PDE1C: variants seen among roughly 807,000 people sequenced by gnomAD.
The protein encoded by PDE1C is dual specificity calcium/calmodulin-dependent 3',5'-cyclic nucleotide phosphodiesterase 1C.
A neutral mutation model predicts 93.1 loss-of-function variants in PDE1C; 62 were observed. The observed-to-expected ratio is 0.67, with a 90% CI of 0.54 to 0.82. PDE1C has a LOEUF of 0.82. Among genes scored for constraint, PDE1C ranks in the 40% least tolerant of loss-of-function variants. The pLI, the probability that PDE1C is intolerant of heterozygous loss-of-function variation, is 0.00. For synonymous variants in PDE1C, 325 were observed against 310.1 expected (o/e 1.05, Z -0.50); for missense variants, 742 against 884.6 (o/e 0.84, Z 2.04).
chr7:31,921,659 G>C (rs1472091435), intron 2 of PDE1C, among the ~76,000 whole-genome samples: 1 of 152,152 alleles, frequency 6.6e-6, no homozygotes, highest in Non-Finnish European at 1.5e-5. Flanking sequence ...ATGTGGAATA[G>C]AGAGAGAGAA....
At chr7:31,931,758 C>A (rs1804312790) in intron 2 of PDE1C, among the ~76,000 whole-genome samples, 1 of 152,102 alleles carries the variant, frequency 6.6e-6, no homozygotes, top group African/African-American at 2.4e-5. Context: ...CATATGGAAC[C>A]AAAAGAGAGC....
Position 31,764,913 on chromosome 7 carries a change from A to G in PDE1C, c.1960+10751T>C, listed in dbSNP as rs1457759526. On this transcript the variant is annotated intron_variant, in intron 17 of 17. Transcript: ENST00000396191. The stretch of plus-strand genomic sequence containing the variant: ...TAAATGAATCACTTTGAATATACAC[A>G]AGCTGGAAATGATGATTGGGATCTA... Among the ~76,000 whole-genome samples the G allele has an allele frequency of 4.7e-4, 72 of 152,234 alleles. 1 individual carries two copies. The highest frequency in any genetic ancestry group is 4.6e-3 in the Admixed American group (71 of 15,286).
intron 2 of PDE1C, among the ~76,000 whole-genome samples, chr7:32,197,009 A>G (rs537098803): frequency 1.3e-5 from 2 of 152,212 alleles, no homozygotes; most frequent in Non-Finnish European, 2.9e-5. Context: ...TTGGAAACTA[A>G]CACTTTAGGG....
intron 1 of PDE1C, among the ~76,000 whole-genome samples, chr7:32,309,221 C>G (rs1278031478): frequency 6.6e-6 from 1 of 152,188 alleles, no homozygotes; most frequent in Non-Finnish European, 1.5e-5. Context: ...AAGAAACAAA[C>G]AAAGCCTCCA....
intron 3 of PDE1C, among the ~76,000 whole-genome samples, chr7:32,128,962 T>A (rs1799761178): frequency 1.4e-4 from 12 of 88,628 alleles, no homozygotes; most frequent in Admixed American, 2.4e-4. Context: ...TAAAGAAAAA[T>A]CTAAAAAAAA....
At chr7:32,070,544 T>C, upstream of PDE1C, 1 of 1,468,150 alleles carries the variant, frequency 6.8e-7, no homozygotes. Flanking sequence ...GCCCCCAGAC[T>C]CCGACTTAGA....
intron 2 of PDE1C, among the ~76,000 whole-genome samples, chr7:31,982,500 G>A (rs1167194134): frequency 6.6e-6 from 1 of 152,048 alleles, no homozygotes; most frequent in Non-Finnish European, 1.5e-5. Flanking sequence ...AATCAATACT[G>A]TCATCAACAA....
At chr7:31,818,082 T>C (rs1237160954) in intron 14 of PDE1C, among the ~76,000 whole-genome samples, 4 of 152,286 alleles carry the variant, frequency 2.6e-5, no homozygotes, top group Middle Eastern at 3.4e-3. Context: ...GATTTAAACA[T>C]ACAGAGTTGA....
chr7:32,100,958 C>T (rs906649793), intron 3 of PDE1C, among the ~76,000 whole-genome samples: 9 of 152,256 alleles, frequency 5.9e-5, no homozygotes, highest in Non-Finnish European at 1.2e-4. Flanking sequence ...TTCCACATAG[C>T]ACAGTAGATC....
chr7:31,767,432 C>A (rs1795215297), intron 17 of PDE1C, among the ~76,000 whole-genome samples: 2 of 152,156 alleles, frequency 1.3e-5, no homozygotes, highest in Non-Finnish European at 2.9e-5. Context: ...GGCACCTCCT[C>A]CTGTTTCCTG....
chr7:31,861,010 AT>A (rs1794630004), intron 7 of PDE1C, among the ~76,000 whole-genome samples: 1 of 151,786 alleles, frequency 6.6e-6, no homozygotes, highest in African/African-American at 2.4e-5. Context: ...CTCACCTGCA[AT>A]TTTTTTTCTT....
chr7:31,898,149 A>G (rs1271031568), intron 2 of PDE1C, among the ~76,000 whole-genome samples: 3 of 152,066 alleles, frequency 2.0e-5, no homozygotes, highest in African/African-American at 7.2e-5. Flanking sequence ...TTTCACAAAT[A>G]CCTATCATTA....
chr7:31,886,864 C>A (rs1797995250), intron 2 of PDE1C, among the ~76,000 whole-genome samples: 2 of 151,950 alleles, frequency 1.3e-5, no homozygotes, highest in African/African-American at 4.8e-5. Context: ...CAGAATAGAT[C>A]TATTCGGATC....
intron 3 of PDE1C, among the ~76,000 whole-genome samples, chr7:32,126,746 C>T (rs931352017): frequency 6.6e-6 from 1 of 151,870 alleles, no homozygotes. Flanking sequence ...TAAAATTTTA[C>T]TACACAAAAA....
Position 31,866,833 on chromosome 7 carries a change from C to T in PDE1C, c.610-1751G>A, listed in dbSNP as rs62455985. On this transcript the variant is annotated intron_variant, in intron 6 of 17. Transcript: ENST00000396191. The stretch of plus-strand genomic sequence containing the variant: ...TAAGTGAGTGATGGCTAGCAGTCCA[C>T]ATTCCCACCTTGGACTCCTGTATCC... Among the ~76,000 whole-genome samples the T allele has an allele frequency of 8.5e-3, 1,292 of 152,212 alleles. 23 individuals carry two copies. Among genetic ancestry groups the T allele is most frequent in the East Asian group, 0.073 (376 of 5,158 alleles).
intron 1 of PDE1C, among the ~76,000 whole-genome samples, chr7:32,286,547 C>A (rs1453207047): frequency 1.3e-5 from 2 of 152,120 alleles, no homozygotes; most frequent in East Asian, 3.8e-4. Context: ...GACACCTCTG[C>A]CAAAATAGGC....
intron 1 of PDE1C, among the ~76,000 whole-genome samples, chr7:32,357,073 C>T (rs1467185382): frequency 6.6e-6 from 1 of 152,198 alleles, no homozygotes; most frequent in African/African-American, 2.4e-5. Flanking sequence ...GTGGCTCATG[C>T]CTGTAATCCC....
chr7:32,225,996 T>C (rs1321543140), intron 1 of PDE1C, among the ~76,000 whole-genome samples: 2 of 152,092 alleles, frequency 1.3e-5, no homozygotes, highest in African/African-American at 4.8e-5. Context: ...AGGGAGGGGT[T>C]GCAGTGAGCC....
chr7:31,905,518 C>T (rs929507491), intron 2 of PDE1C, among the ~76,000 whole-genome samples: 7 of 152,144 alleles, frequency 4.6e-5, no homozygotes, highest in Admixed American at 1.3e-4. Context: ...CAATTTCCCA[C>T]GTTAACTGGA....
Sources: gnomAD v4.1 joint callset for allele counts (sites outside exome capture counted in the v4.1 genomes callset) on GRCh38, gnomAD v4.1.1 for gene constraint, MANE v1.5 for transcripts, NCBI Gene and HGNC (gene_info 2026-07-23, HGNC 2026-07-21) for gene names.